ATG16L1: variants seen among roughly 807,000 people sequenced by gnomAD.
ATG16L1 encodes the protein autophagy-related protein 16-1.
A neutral mutation model predicts 88.5 loss-of-function variants in ATG16L1; 37 were observed. That is an observed-to-expected ratio of 0.42 (90% CI 0.32 to 0.55). The LOEUF (loss-of-function observed/expected upper bound fraction) is 0.55. Ranked by LOEUF, ATG16L1 falls within the 20% of genes least tolerant of loss-of-function variation. The probability of loss-of-function intolerance (pLI) is 0.13; values close to 1 mark genes in which losing one functional copy is unlikely to be tolerated. For missense variants in ATG16L1, 554 were observed against 752.8 expected (o/e 0.74, Z 3.09); for synonymous variants, 301 against 281.0 (o/e 1.07, Z -0.71).
Position 233,254,931 on chromosome 2 carries a change from G to A in ATG16L1, c.116-1171G>A, listed in dbSNP as rs141359834. ...CCCACATCTGATCTTACTGGTGCCT[G>A]TGTACCTATTACTCTTATTTTTTAT... On this transcript the variant is annotated intron_variant, in intron 1 of 17. Coordinates refer to ENST00000392017, the MANE Select transcript of ATG16L1 (RefSeq NM_030803.7). Among the ~76,000 whole-genome samples, 70 of 152,126 alleles carry A rather than the reference G, an allele frequency of 4.6e-4. No individual in the cohort carries two copies. The East Asian group carries it at 0.014, about 29-fold the overall frequency.
intron 4 of ATG16L1, among the ~76,000 whole-genome samples, chr2:233,264,399 C>T (rs1032849612): frequency 6.6e-6 from 1 of 152,126 alleles, no homozygotes; most frequent in Non-Finnish European, 1.5e-5. Flanking sequence ...TAGCTGAGCG[C>T]ATGGCCCTTG....
intron 17 of ATG16L1, among the ~76,000 whole-genome samples, chr2:233,293,787 C>G (rs1388036643): frequency 6.6e-6 from 1 of 152,072 alleles, no homozygotes; most frequent in African/African-American, 2.4e-5. Flanking sequence ...ATAGGCAGGC[C>G]CCAGACCCCC....
intron 5 of ATG16L1, among the ~76,000 whole-genome samples, chr2:233,268,904 C>T (rs1166621951): frequency 6.6e-6 from 1 of 152,210 alleles, no homozygotes; most frequent in African/African-American, 2.4e-5. Context: ...GAAATTTCAG[C>T]AGAATTCTTG....
intron 10 of ATG16L1, among the ~76,000 whole-genome samples, chr2:233,280,419 A>G (rs913999495): frequency 3.3e-5 from 5 of 152,158 alleles, no homozygotes; most frequent in African/African-American, 1.2e-4. Context: ...GGCTGTCTGG[A>G]AGCAGAGTAG....
intron 5 of ATG16L1, 48 bp from the exon 6 acceptor site, chr2:233,269,954 T>G (rs1697872998): frequency 6.4e-7 from 1 of 1,557,668 alleles, no homozygotes; most frequent in Non-Finnish European, 8.6e-7. Flanking sequence ...CCCCGTGCTT[T>G]CTTAAGCAGA....
At chr2:233,277,696 C>CA in intron 10 of ATG16L1, 23 bp downstream of exon 10, 1 of 1,603,706 alleles carries the variant, frequency 6.2e-7, no homozygotes, top group Non-Finnish European at 8.5e-7. Flanking sequence ...TGCATGTTCT[C>CA]AGACTGAAAA....
At chr2:233,284,098 C>A (rs918341074) in intron 12 of ATG16L1, among the ~76,000 whole-genome samples, 7 of 151,776 alleles carry the variant, frequency 4.6e-5, no homozygotes, top group African/African-American at 1.7e-4. Flanking sequence ...CCCACCTCGG[C>A]CTCCCAAAGT....
intron 6 of ATG16L1, among the ~76,000 whole-genome samples, chr2:233,270,976 T>C (rs889530911): frequency 5.9e-5 from 9 of 152,220 alleles, no homozygotes; most frequent in Non-Finnish European, 8.8e-5. Context: ...ACGTCTTAAT[T>C]TACAAAGAAA....
intron 8 of ATG16L1, 123 bp downstream of exon 8, chr2:233,273,900 A>C: frequency 6.6e-7 from 1 of 1,512,480 alleles, no homozygotes; most frequent in South Asian, 1.2e-5. Context: ...ATATGCCTTA[A>C]TATCAGCTTT....
chr2:233,270,946 T>C (rs1417049270), intron 6 of ATG16L1, among the ~76,000 whole-genome samples: 1 of 152,236 alleles, frequency 6.6e-6, no homozygotes, highest in Non-Finnish European at 1.5e-5. Flanking sequence ...TAAATTCAAC[T>C]AGGAGTCATT....
At chr2:233,275,853 A>G (rs754523890) in intron 9 of ATG16L1, 2 of 519,246 alleles carry the variant, frequency 3.9e-6, no homozygotes, top group Non-Finnish European at 7.7e-6. Flanking sequence ...ATCATGGAGC[A>G]GCTGATAATT....
Position 233,294,417 on chromosome 2 carries a change from C to G in ATG16L1, c.*67C>G. The G allele has an allele frequency of 1.5e-6, 2 of 1,330,292 alleles. No individual in the cohort carries two copies. The highest frequency in any genetic ancestry group is 1.8e-4 in the Middle Eastern group (1 of 5,428). 82.4% of individuals were successfully genotyped at this position (1,330,292 alleles called of 1,614,324 possible). A position where few individuals can be genotyped will look rare whatever the true frequency, so the allele number is the denominator to read the frequency against. On this transcript the variant is annotated 3_prime_UTR_variant, in exon 18 of 18. Coordinates refer to ENST00000392017, the MANE Select transcript of ATG16L1 (RefSeq NM_030803.7). ...AAGAAGCACATGGGCTCCTGCAGCC[C>G]TGTCCTGGCAGGTGATGTGCTGGGT...
At chr2:233,274,855 G>T in intron 9 of ATG16L1, 77 bp downstream of exon 9, 2 of 1,037,166 alleles carry the variant, frequency 1.9e-6, no homozygotes, top group East Asian at 2.5e-5. Context: ...TCCTTTCTAG[G>T]CCTGCAGCTA....
chr2:233,255,846 G>A (rs10186415), intron 1 of ATG16L1, among the ~76,000 whole-genome samples: 11,813 of 152,226 alleles, frequency 0.078, 498 homozygotes, highest in African/African-American at 0.11. Flanking sequence ...AAGGTACATA[G>A]CATTTCACTT....
Position 233,282,682 on chromosome 2 carries a change from G to C in ATG16L1, c.1132G>C (p.Gly378Arg). 1 of 1,613,868 alleles carries C rather than the reference G, an allele frequency of 6.2e-7. No homozygotes were observed. Among genetic ancestry groups the C allele is most frequent in the South Asian group, 1.1e-5 (1 of 91,062 alleles). Reference protein sequence around the residue: ...GITSIEFDSAGSYLLAASNDF... With the variant: ...GITSIEFDSARSYLLAASNDF... ...GTTTTCCTCTTCTTTATTCCCACAG[G>C]GATCTTACCTCTTAGCAGCTTCAAA... The change falls in exon 12 of 18, where the codon GGA becomes CGA. Residue 378 changes from glycine to arginine, a missense_variant and splice_region_variant. Transcript: ENST00000392017.
chr2:233,292,916 T>A (rs1699561791), intron 16 of ATG16L1, among the ~76,000 whole-genome samples: 1 of 152,222 alleles, frequency 6.6e-6, no homozygotes. Flanking sequence ...CTCCTCTCTT[T>A]GAGGCATGTA....
At chr2:233,293,459 C>T (rs1342790635) in intron 17 of ATG16L1, 102 bp downstream of exon 17, 6 of 1,062,686 alleles carry the variant, frequency 5.6e-6, no homozygotes, top group Non-Finnish European at 8.6e-6. Flanking sequence ...GCTGTGAGGG[C>T]ACTGTCCGCC....
intron 14 of ATG16L1, 93 bp from the exon 15 acceptor site, chr2:233,292,035 T>C (rs1220970007): frequency 2.1e-6 from 3 of 1,443,712 alleles, no homozygotes; most frequent in Middle Eastern, 1.9e-4. Flanking sequence ...CGTTGCATGC[T>C]AGTTGAATTG....
At chr2:233,263,084 T>TC (rs769248196) in intron 2 of ATG16L1, 46 bp from the exon 3 acceptor site, 17 of 1,539,512 alleles carry the variant, frequency 1.1e-5, no homozygotes, top group Non-Finnish European at 1.5e-5. Flanking sequence ...TTTTTCCCCC[T>TC]CCGTTTTTTG....
Sources: allele counts gnomAD v4.1 joint callset (sites outside exome capture counted in the v4.1 genomes callset), GRCh38; gene constraint gnomAD v4.1.1; transcripts MANE v1.5; gene names NCBI Gene and HGNC (gene_info 2026-07-23, HGNC 2026-07-21).